The following PXDNL variants were observed in gnomAD, a reference collection of about 807,000 sequenced individuals.
PXDNL encodes peroxidasin like.
Under a neutral mutation model 150.8 loss-of-function variants are expected in PXDNL, and 145 were observed. The ratio of observed to expected loss-of-function variants is 0.96; its 90% CI spans 0.84 to 1.10. PXDNL has a LOEUF of 1.10. Among genes scored for constraint, PXDNL ranks in the 50% least tolerant of loss-of-function variants. PXDNL has a pLI of 0.00. For missense variants in PXDNL, 2,087 were observed against 1,873.9 expected (o/e 1.11, Z -2.10); for synonymous variants, 757 against 725.7 (o/e 1.04, Z -0.69).
intron 1 of PXDNL, among the ~76,000 whole-genome samples, chr8:51,679,514 C>T (rs1815697028): frequency 6.6e-6 from 1 of 152,164 alleles, no homozygotes; most frequent in African/African-American, 2.4e-5. Context: ...ATAGAGATTG[C>T]TGACATTAAG....
At chr8:51,650,032 G>A (rs1047838336) in intron 2 of PXDNL, among the ~76,000 whole-genome samples, 1 of 149,430 alleles carries the variant, frequency 6.7e-6, no homozygotes, top group African/African-American at 2.5e-5. Flanking sequence ...AAACCCCTGA[G>A]GCAGAGGTTG....
At chr8:51,644,939 A>G (rs1165063143) in intron 2 of PXDNL, among the ~76,000 whole-genome samples, 1 of 151,870 alleles carries the variant, frequency 6.6e-6, no homozygotes, top group Non-Finnish European at 1.5e-5. Flanking sequence ...GGTTCTCCAG[A>G]GAAACAGAAC....
intron 1 of PXDNL, among the ~76,000 whole-genome samples, chr8:51,758,992 G>T (rs1373233440): frequency 6.6e-6 from 1 of 152,112 alleles, no homozygotes; most frequent in Non-Finnish European, 1.5e-5. Flanking sequence ...CTTTTGTTTT[G>T]AGGACAAAGA....
chr8:51,535,146 G>A (rs1292493252), intron 4 of PXDNL, among the ~76,000 whole-genome samples: 4 of 132,004 alleles, frequency 3.0e-5, no homozygotes, highest in Non-Finnish European at 6.2e-5. Flanking sequence ...GGTGAGGGGC[G>A]CTTCTGCCCG....
intron 3 of PXDNL, among the ~76,000 whole-genome samples, chr8:51,577,460 G>C (rs914394960): frequency 6.7e-6 from 1 of 149,942 alleles, no homozygotes; most frequent in Non-Finnish European, 1.5e-5. Flanking sequence ...TTATTACTTT[G>C]AAAAGATCAA....
intron 5 of PXDNL, among the ~76,000 whole-genome samples, chr8:51,488,757 A>T (rs78510965): frequency 0.016 from 2,450 of 152,330 alleles, 66 homozygotes; most frequent in African/African-American, 0.056. Context: ...AATTTCAAAT[A>T]TCAATAGACA....
chr8:51,484,750 C>T (rs1431247165), intron 5 of PXDNL, among the ~76,000 whole-genome samples: 1 of 152,176 alleles, frequency 6.6e-6, no homozygotes, highest in African/African-American at 2.4e-5. Context: ...TCTCCCTCCA[C>T]CCTAGTAGTC....
At chr8:51,461,583 TG>T (rs1444288103) in intron 8 of PXDNL, among the ~76,000 whole-genome samples, 1 of 152,218 alleles carries the variant, frequency 6.6e-6, no homozygotes, top group African/African-American at 2.4e-5. Flanking sequence ...TGGGGTCCTC[TG>T]CCATTGACCT....
At chr8:51,499,567 T>C in intron 5 of PXDNL, 132 bp downstream of exon 5, 3 of 629,740 alleles carry the variant, frequency 4.8e-6, no homozygotes, top group Non-Finnish European at 8.6e-6. Context: ...AACTCTGTTT[T>C]GTAGTGCCAA....
intron 3 of PXDNL, among the ~76,000 whole-genome samples, chr8:51,591,037 G>C (rs532828371): frequency 6.6e-6 from 1 of 152,314 alleles, no homozygotes; most frequent in South Asian, 2.1e-4. Flanking sequence ...GAAGTGATTA[G>C]GTCATCAGGG....
chr8:51,680,617 G>A (rs564282539), intron 1 of PXDNL, among the ~76,000 whole-genome samples: 199 of 152,230 alleles, frequency 1.3e-3, no homozygotes, highest in African/African-American at 4.2e-3. Flanking sequence ...GGAAAAAAAC[G>A]CCAGTAAATC....
intron 4 of PXDNL, among the ~76,000 whole-genome samples, chr8:51,508,893 G>A (rs189352429): frequency 6.8e-4 from 104 of 152,320 alleles, no homozygotes; most frequent in African/African-American, 2.3e-3. Context: ...TTTAGGGCAA[G>A]AATCTCAGTA....
intron 1 of PXDNL, 40 bp downstream of exon 1, chr8:51,809,141 A>G (rs1399960763): frequency 6.2e-7 from 1 of 1,607,692 alleles, no homozygotes; most frequent in South Asian, 1.1e-5. Context: ...GCAATGAAGC[A>G]TTGGGGAAGA....
chr8:51,567,515 ACT>A, intron 3 of PXDNL, among the ~76,000 whole-genome samples: 1 of 151,762 alleles, frequency 6.6e-6, no homozygotes, highest in South Asian at 2.1e-4. Context: ...ATTACATAAT[ACT>A]CTCTTTATCC....
At chr8:51,666,547 A>G (rs1815390674) in intron 1 of PXDNL, among the ~76,000 whole-genome samples, 1 of 152,122 alleles carries the variant, frequency 6.6e-6, no homozygotes, top group Admixed American at 6.5e-5. Flanking sequence ...CTTGATATTC[A>G]TCTACCCATT....
chr8:51,696,746 TACCCACCC>T (rs1563510117), intron 1 of PXDNL, among the ~76,000 whole-genome samples: 33 of 30,572 alleles, frequency 1.1e-3, no homozygotes, highest in Middle Eastern at 0.023. Context: ...TCCACACACA[TACCCACCC>T]ACACATAGGT....
At chr8:51,341,511 A>G (rs1316887116) in intron 20 of PXDNL, among the ~76,000 whole-genome samples, 1 of 152,152 alleles carries the variant, frequency 6.6e-6, no homozygotes. Context: ...TTGAAACTAT[A>G]CAGTACCATT....
chr8:51,580,038 A>G (rs757940922), intron 3 of PXDNL, among the ~76,000 whole-genome samples: 1 of 151,464 alleles, frequency 6.6e-6, no homozygotes, highest in Non-Finnish European at 1.5e-5. Flanking sequence ...ATAAATAAAT[A>G]AAAAGAAAAA....
intron 4 of PXDNL, among the ~76,000 whole-genome samples, chr8:51,538,499 C>T (rs945904665): frequency 2.0e-5 from 3 of 152,272 alleles, no homozygotes; most frequent in East Asian, 1.9e-4. Context: ...GGTGCAGTGG[C>T]TCACGCCTGT....
Sources: gnomAD v4.1 joint callset for allele counts (sites outside exome capture counted in the v4.1 genomes callset) on GRCh38, gnomAD v4.1.1 for gene constraint, MANE v1.5 for transcripts, NCBI Gene and HGNC (gene_info 2026-07-23, HGNC 2026-07-21) for gene names.